IL21R: variants seen among roughly 807,000 people sequenced by gnomAD.
IL21R encodes interleukin-21 receptor.
In IL21R, 14 loss-of-function variants were observed where a neutral mutation model predicts 41.3. That is an observed-to-expected ratio of 0.34 (90% confidence interval 0.22 to 0.53). IL21R has a LOEUF of 0.53. IL21R is among the 20% of genes least tolerant of loss of function. IL21R has a pLI of 0.94. For missense variants in IL21R, 588 were observed against 681.6 expected, an observed-to-expected ratio of 0.86 and a Z score of 1.53; for synonymous variants, 286 against 287.6, an observed-to-expected ratio of 0.99 and a Z score of 0.05.
Position 27,448,510 on chromosome 16 carries a change from A to G in IL21R, c.868-24A>G, listed in dbSNP as rs1555498729. 3 of 1,571,060 alleles carry G rather than the reference A, an allele frequency of 1.9e-6. No homozygotes were observed. In the South Asian group the frequency reaches 3.5e-5, roughly 19 times the overall value. ...CACCTTACCCTCATCCTGTGCTATG[A>G]CTCTCTCTTTTTCTCTCTCACAGAA... is the stretch of plus-strand genomic sequence containing the variant. On this transcript the variant is annotated intron_variant, in intron 8 of 8. Transcript: ENST00000337929.
At chr16:27,445,801 C>T (rs183925609) in intron 7 of IL21R, among the ~76,000 whole-genome samples, 6 of 152,302 alleles carry the variant, frequency 3.9e-5, no homozygotes, top group African/African-American at 7.2e-5. Context: ...AACATAACCA[C>T]GATATCCCTT....
chr16:27,404,413 G>A (rs2086706774), intron 1 of IL21R, among the ~76,000 whole-genome samples: 1 of 152,144 alleles, frequency 6.6e-6, no homozygotes, highest in African/African-American at 2.4e-5. Context: ...AGCCAGTAAG[G>A]GGCTTGTGGG....
chr16:27,417,373 C>T (rs2086906784), intron 1 of IL21R, among the ~76,000 whole-genome samples: 1 of 152,024 alleles, frequency 6.6e-6, no homozygotes, highest in South Asian at 2.1e-4. Context: ...TGCCATGTTA[C>T]CCAGGCTAGT....
intron 4 of IL21R, among the ~76,000 whole-genome samples, chr16:27,437,921 C>T (rs2087303407): frequency 6.6e-6 from 1 of 152,174 alleles, no homozygotes; most frequent in Non-Finnish European, 1.5e-5. Context: ...GCCTTGGCCT[C>T]CCAAAGTGCT....
Position 27,445,211 on chromosome 16 carries a change from T to C in IL21R, c.720T>C (p.Leu240=), listed in dbSNP as rs763835537. The part of the protein sequence containing the change: ...LKEGWNPHLL[L]LLLLVIVFIP... ...AAGGCTGGAACCCTCACCTGCTGCTTCTCCTCCTGCTTGTCATAGTCTTCA... is the reference window on the plus strand; with the variant it reads ...AAGGCTGGAACCCTCACCTGCTGCTCCTCCTCCTGCTTGTCATAGTCTTCA... The change falls in exon 7 of 9, where the codon CTT becomes CTC. Residue 240 remains leucine (L), a synonymous_variant. Coordinates refer to ENST00000337929, the MANE Select transcript of IL21R (RefSeq NM_181078.3). 6.2e-7 allele frequency: 1 copy of C among 1,613,946 alleles called. No individual in the cohort carries two copies. Among genetic ancestry groups the C allele is most frequent in the African/African-American group, 1.3e-5 (1 of 74,892 alleles).
intron 1 of IL21R, among the ~76,000 whole-genome samples, chr16:27,425,547 G>GT (rs1259255238): frequency 3.4e-5 from 5 of 146,966 alleles, no homozygotes; most frequent in South Asian, 2.1e-4. Flanking sequence ...CTCTTTTTTT[G>GT]TGTTTTGTTT....
Position 27,445,945 on chromosome 16 carries a change from G to A in IL21R, c.786-62G>A, listed in dbSNP as rs1165748120. On this transcript the variant is annotated intron_variant, in intron 7 of 8. Coordinates refer to ENST00000337929, the MANE Select transcript of IL21R (RefSeq NM_181078.3). ...TGTAGGATGAAGCTGGGGAGCGTCC[G>A]AATGGGAGGCCAGGCTGCCCTCTGG... 1.6e-5 allele frequency: 22 copies of A among 1,372,748 alleles called. 1 individual carries two copies. Among genetic ancestry groups the A allele is most frequent in the Admixed American group, 1.1e-4 (6 of 53,972 alleles). The allele number at this position is 1,372,748 out of a possible 1,614,324, so 85.0% of individuals were successfully genotyped here. A position where few individuals can be genotyped will look rare whatever the true frequency, so the allele number is the denominator to read the frequency against.
intron 4 of IL21R, among the ~76,000 whole-genome samples, chr16:27,440,248 T>TATAGAGAGAGAGAGAGAGAG (rs1352160946): frequency 3.1e-5 from 2 of 64,044 alleles, no homozygotes; most frequent in African/African-American, 1.8e-4. Context: ...TATATATATA[T>TATAGAGAGAGAGAGAGAGAG]AGAGAGAGAG....
chr16:27,444,694 G>A lies in IL21R; in HGVS notation c.660G>A (p.Pro220=), dbSNP rs747035204. The stretch of plus-strand genomic sequence containing the variant: ...GGACCTGGAGTGAATGGAGTGACCC[G>A]GTCATCTTTCAGACCCAGTCAGAGG... ...YQGTWSEWSD[P]VIFQTQSEEL... Residue 220 remains proline (P), a synonymous_variant, in exon 6 of 9, where the codon CCG becomes CCA. Coordinates refer to ENST00000337929, the MANE Select transcript of IL21R (RefSeq NM_181078.3). 21 of 1,520,736 alleles carry A rather than the reference G, an allele frequency of 1.4e-5. No homozygotes were observed. Among genetic ancestry groups the A allele is most frequent in the African/African-American group, 7.0e-5 (5 of 71,004 alleles). The allele number at this position is 1,520,736 out of a possible 1,614,324, so 94.2% of individuals were successfully genotyped here. A position where few individuals can be genotyped will look rare whatever the true frequency, so the allele number is the denominator to read the frequency against.
rs1479973052 is a variant in IL21R at position 27,448,684 on chromosome 16, C to T, written c.1018C>T (p.Leu340=). The T allele has an allele frequency of 1.2e-6, 2 of 1,613,094 alleles. No homozygotes were observed. The highest frequency in any genetic ancestry group is 1.7e-6 in the Non-Finnish European group (2 of 1,180,018). ...QLTELQEPAE[L]VESDGVPKPS... is the part of the protein sequence containing the mutation. ...CACGGAGCTACAAGAACCAGCAGAG[C>T]TGGTGGAGTCTGACGGTGTGCCCAA... The change falls in exon 9 of 9, where the codon CTG becomes TTG. Residue 340 remains leucine, a synonymous_variant. Coordinates refer to ENST00000337929, the MANE Select transcript of IL21R (RefSeq NM_181078.3).
intron 5 of IL21R, 56 bp from the exon 6 acceptor site, chr16:27,444,486 G>A: frequency 7.9e-7 from 1 of 1,272,778 alleles, no homozygotes; most frequent in Non-Finnish European, 1.0e-6. Flanking sequence ...TCTGCTGGAG[G>A]CAGGGGCTGG....
intron 3 of IL21R, 45 bp from the exon 4 acceptor site, chr16:27,437,443 C>T: frequency 6.5e-7 from 1 of 1,527,780 alleles, no homozygotes. Flanking sequence ...CACCATCCCC[C>T]CTGCCCCTGG....
At chr16:27,431,306 C>A (rs1462119004) in intron 2 of IL21R, among the ~76,000 whole-genome samples, 1 of 152,242 alleles carries the variant, frequency 6.6e-6, no homozygotes, top group East Asian at 1.9e-4. Flanking sequence ...GGCTCCACAT[C>A]TGGCGGGTGC....
chr16:27,434,425 A>C lies in IL21R; in HGVS notation c.128A>C (p.His43Pro), dbSNP rs757749249. Reference protein sequence around the residue: ...VICILEMWNLHPSTLTLTWQD... With the variant: ...VICILEMWNLPPSTLTLTWQD... ...TGCATCCTGGAAATGTGGAACCTCC[A>C]CCCCAGCACGCTCACCCTTACCTGG... The change falls in exon 3 of 9, where the codon CAC (histidine) becomes CCC (proline). Residue 43 changes from histidine (H) to proline (P), a missense_variant. Physicochemically the swap from His to Pro is moderately conservative, Grantham distance 77. Transcript: ENST00000337929. The C allele has an allele frequency of 6.4e-5, 104 of 1,613,076 alleles. No homozygotes were observed. The highest frequency in any genetic ancestry group is 8.7e-5 in the Non-Finnish European group (103 of 1,179,410).
At chr16:27,428,932 A>G (rs3093295) in intron 1 of IL21R, among the ~76,000 whole-genome samples, 2,781 of 152,332 alleles carry the variant, frequency 0.018, 61 homozygotes, top group African/African-American at 0.048. Flanking sequence ...TAAGAAGCCA[A>G]TTTATTGATG....
intron 7 of IL21R, 125 bp from the exon 8 acceptor site, chr16:27,445,882 A>T: frequency 1.7e-6 from 1 of 594,510 alleles, no homozygotes; most frequent in Non-Finnish European, 2.9e-6. Flanking sequence ...GGAAGGAGGG[A>T]GGCGCCTGGG....
At chr16:27,409,113 G>A (rs2086789433) in intron 1 of IL21R, among the ~76,000 whole-genome samples, 1 of 150,972 alleles carries the variant, frequency 6.6e-6, no homozygotes, top group Non-Finnish European at 1.5e-5. Flanking sequence ...AGAGAGTTTA[G>A]TTACTCTGTA....
Position 27,444,659 on chromosome 16 carries a change from T to C in IL21R, c.625T>C (p.Ser209Pro), listed in dbSNP as rs750656412. Residue 209 changes from serine to proline, a missense_variant, in exon 6 of 9, where the codon TCC becomes CCC. Physicochemically the swap from Ser to Pro is moderately conservative, Grantham distance 74. Coordinates refer to ENST00000337929, the MANE Select transcript of IL21R (RefSeq NM_181078.3). The stretch of plus-strand genomic sequence containing the variant: ...GCGGGCAGGGCCCATGCCTGGCTCC[T>C]CCTACCAGGGGACCTGGAGTGAATG... ...QVRAGPMPGSSYQGTWSEWSD... is the reference protein window; with the variant it reads ...QVRAGPMPGSPYQGTWSEWSD... 6.3e-7 allele frequency: 1 copy of C among 1,578,018 alleles called. No individual in the cohort carries two copies. Among genetic ancestry groups the C allele is most frequent in the Admixed American group, 1.8e-5 (1 of 54,750 alleles).
chr16:27,411,845 C>T (rs895051643), intron 1 of IL21R, among the ~76,000 whole-genome samples: 5 of 152,180 alleles, frequency 3.3e-5, no homozygotes, highest in African/African-American at 1.2e-4. Context: ...AACCCCATAT[C>T]TCTTGTATGG....
Sources: gnomAD v4.1 joint callset for allele counts (sites outside exome capture counted in the v4.1 genomes callset) on GRCh38, gnomAD v4.1.1 for gene constraint, MANE v1.5 for transcripts, NCBI Gene and HGNC (gene_info 2026-07-23, HGNC 2026-07-21) for gene names.